The following NIBAN3 variants were observed in gnomAD, a reference collection of about 807,000 sequenced individuals.
NIBAN3 encodes the protein niban apoptosis regulator 3.
In NIBAN3, 66 loss-of-function variants were observed where a neutral mutation model predicts 76.4. The ratio of observed to expected loss-of-function variants is 0.86; its 90% CI spans 0.71 to 1.06. The LOEUF is 1.06. NIBAN3 is among the 50% of genes least tolerant of loss of function. The pLI, the probability that NIBAN3 is intolerant of heterozygous loss-of-function variation, is 0.00. For synonymous variants in NIBAN3, 360 were observed against 355.2 expected (o/e 1.01, Z -0.15); for missense variants, 808 against 810.7 (o/e 1.00, Z 0.04).
At chr19:17,537,863 T>A (rs2075853154) in intron 5 of NIBAN3, among the ~76,000 whole-genome samples, 1 of 148,622 alleles carries the variant, frequency 6.7e-6, no homozygotes, top group Admixed American at 6.7e-5. Context: ...GGAGAATCAC[T>A]TGAACCCGGG....
intron 10 of NIBAN3, 108 bp from the exon 11 acceptor site, chr19:17,543,209 T>C: frequency 1.5e-6 from 1 of 688,596 alleles, no homozygotes; most frequent in East Asian, 2.6e-5. Context: ...TGGGCAGAGG[T>C]GGCTGGTTGG....
At position 17,540,526 on chromosome 19, in the gene NIBAN3, G is replaced by C; in HGVS notation, c.1114G>C (p.Asp372His). Residue 372 changes from aspartate to histidine, a missense_variant, in exon 9 of 15, where the codon GAC becomes CAC. Transcript: ENST00000599164. The part of the protein sequence containing the change: ...AVRTLLAQGM[D>H]RLSHRLRQSP... ...GCGGACCCTCCTGGCTCAAGGCATG[G>C]ACCGACTGTCCCACCGCCTGCGCCA... 6.3e-7 allele frequency: 1 copy of C among 1,586,382 alleles called. No individual in the cohort carries two copies. The highest frequency in any genetic ancestry group is 8.6e-7 in the Non-Finnish European group (1 of 1,166,538).
At chr19:17,544,356 C>G (rs1361316548) in intron 12 of NIBAN3, among the ~76,000 whole-genome samples, 1 of 152,220 alleles carries the variant, frequency 6.6e-6, no homozygotes, top group Non-Finnish European at 1.5e-5. Flanking sequence ...TTCTGGGCTT[C>G]CACAATGCCC....
At chr19:17,546,508 C>T (rs1424786007) in intron 12 of NIBAN3, 178 bp from the exon 13 acceptor site, 2 of 1,155,532 alleles carry the variant, frequency 1.7e-6, no homozygotes, top group Non-Finnish European at 2.1e-6. Context: ...AGCCACCGCA[C>T]CCGGCCTGTT....
intron 2 of NIBAN3, among the ~76,000 whole-genome samples, chr19:17,531,176 A>T (rs896494254): frequency 4.0e-5 from 6 of 151,860 alleles, no homozygotes; most frequent in Admixed American, 2.0e-4. Flanking sequence ...ACAAAAAAAA[A>T]TTTAGCCAGA....
chr19:17,550,646 A>T (rs2076139311), intron 14 of NIBAN3, among the ~76,000 whole-genome samples: 1 of 152,162 alleles, frequency 6.6e-6, no homozygotes. Context: ...AGCCCGGGCC[A>T]CAGAGAGAGA....
At chr19:17,550,843 C>CTTTTTTTTTTTT (rs10690901) in intron 14 of NIBAN3, among the ~76,000 whole-genome samples, 1 of 91,550 alleles carries the variant, frequency 1.1e-5, no homozygotes, top group Non-Finnish European at 2.0e-5. Flanking sequence ...CTTGTACATA[C>CTTTTTTTTTTTT]TTTTTTTTTT....
At position 17,533,641 on chromosome 19, in the gene NIBAN3, C is replaced by T; in HGVS notation, c.367C>T (p.Leu123Phe). The T allele has an allele frequency of 6.2e-7, 1 of 1,614,140 alleles. No individual in the cohort carries two copies. Among genetic ancestry groups the T allele is most frequent in the Non-Finnish European group, 8.5e-7 (1 of 1,180,026 alleles). Residue 123 changes from leucine (L) to phenylalanine (F), a missense_variant, in exon 4 of 15, where the codon CTC becomes TTC. Physicochemically the swap from Leu to Phe is conservative, Grantham distance 22. Transcript: ENST00000599164. ...CTCAACAGCCCTGACAGGATACACGCTCCTGACTTCCCAGCGAGAATATCT... is the reference window on the plus strand; with the variant it reads ...CTCAACAGCCCTGACAGGATACACGTTCCTGACTTCCCAGCGAGAATATCT... ...LGSTALTGYTLLTSQREYLRL... is the reference protein window; with the variant it reads ...LGSTALTGYTFLTSQREYLRL...
intron 14 of NIBAN3, among the ~76,000 whole-genome samples, chr19:17,550,005 A>G (rs1325665202): frequency 1.3e-5 from 2 of 151,980 alleles, no homozygotes; most frequent in African/African-American, 4.8e-5. Context: ...TTTTTAATAG[A>G]GATGGGGTTT....
Position 17,553,117 on chromosome 19 carries a change from T to G in NIBAN3, c.*1219T>G. 6.5e-6 allele frequency: 5 copies of G among 767,450 alleles called. No individual in the cohort carries two copies. Among genetic ancestry groups the G allele is most frequent in the African/African-American group, 1.8e-5 (1 of 55,190 alleles). 47.5% of individuals were successfully genotyped at this position (767,450 alleles called of 1,614,324 possible). A position where few individuals can be genotyped will look rare whatever the true frequency, so the allele number is the denominator to read the frequency against. On this transcript the variant is annotated 3_prime_UTR_variant, in exon 15 of 15. Coordinates refer to ENST00000599164, the MANE Select transcript of NIBAN3 (RefSeq NM_001321827.2). The stretch of plus-strand genomic sequence containing the variant: ...ATATGTTGATTAGCCATTTACATGT[T>G]TGTAGTTTTTTTTTTTTTAATTTCA...
Position 17,532,296 on chromosome 19 carries a change from CT to C in NIBAN3, c.221del (p.Leu74ArgfsTer24), listed in dbSNP as rs1197283066. On this transcript the variant is annotated frameshift_variant, in exon 3 of 15. Transcript: ENST00000599164. LOFTEE classifies it high-confidence loss of function. ...LPRVREHRGP[L>X]TQLRGHPPRW... ...CCGAGTCCGTGAGCACCGAGGACCC[CT>C]GACCCAGCTTCGGGGCCACCCACCC... 2.5e-6 allele frequency: 4 copies of C among 1,613,994 alleles called. No homozygotes were observed. The African/African-American group carries it at 4.0e-5, about 16-fold the overall frequency.
rs2075708033 is a variant in NIBAN3 at position 17,530,859 on chromosome 19, A to G, written c.160A>G (p.Thr54Ala). Reference protein sequence around the residue: ...ISRELGPQEPTGSQLLRSKKL... With the variant: ...ISRELGPQEPAGSQLLRSKKL... ...TCGAGAGCTGGGCCCTCAGGAGCCG[A>G]CCGGAAGCCAGTTGCTACGCAGCAA... Residue 54 changes from threonine (T) to alanine (A), a missense_variant, in exon 2 of 15, where the codon ACC (threonine) becomes GCC (alanine). Thr to Ala is a moderately conservative substitution (Grantham distance 58, BLOSUM62 0). Coordinates refer to ENST00000599164, the MANE Select transcript of NIBAN3 (RefSeq NM_001321827.2). The G allele has an allele frequency of 6.2e-7, 1 of 1,613,322 alleles. No individual in the cohort carries two copies. Among genetic ancestry groups the G allele is most frequent in the Admixed American group, 1.7e-5 (1 of 59,968 alleles).
intron 14 of NIBAN3, among the ~76,000 whole-genome samples, chr19:17,550,512 T>G (rs1342994941): frequency 6.6e-6 from 1 of 151,924 alleles, no homozygotes; most frequent in Non-Finnish European, 1.5e-5. Context: ...ACAAAAATTT[T>G]AAAAATTAGT....
chr19:17,555,158 A>G (rs1568469876), downstream of NIBAN3, among the ~76,000 whole-genome samples: 1 of 152,294 alleles, frequency 6.6e-6, no homozygotes, highest in East Asian at 1.9e-4. Context: ...GCTCACATAT[A>G]GCAAGCCCAA....
chr19:17,533,791 C>A, intron 4 of NIBAN3, 90 bp downstream of exon 4: 1 of 950,760 alleles, frequency 1.1e-6, no homozygotes, highest in Non-Finnish European at 1.7e-6. Flanking sequence ...TGGGGGCGTC[C>A]CGTGTACAGC....
chr19:17,532,279 G>A lies in NIBAN3; in HGVS notation c.203G>A (p.Arg68His), dbSNP rs140354498. Residue 68 changes from arginine (R) to histidine (H), a missense_variant, in exon 3 of 15, where the codon CGT (arginine) becomes CAT (histidine). Transcript: ENST00000599164. ...TTTCTGCAGAAGCTGCCCCGAGTCC[G>A]TGAGCACCGAGGACCCCTGACCCAG... ...LLRSKKLPRV[R>H]EHRGPLTQLR... is the part of the protein sequence containing the mutation. 4,002 of 1,612,222 alleles carry A rather than the reference G, an allele frequency of 2.5e-3. 5 individuals carry two copies. Among genetic ancestry groups the A allele is most frequent in the Non-Finnish European group, 3.2e-3 (3,736 of 1,178,812 alleles).
At chr19:17,554,924 C>T (rs2076200353), downstream of NIBAN3, among the ~76,000 whole-genome samples, 1 of 140,326 alleles carries the variant, frequency 7.1e-6, no homozygotes, top group African/African-American at 2.8e-5. Context: ...AGCCAGACTC[C>T]GTCTCAAAAA....
Position 17,542,832 on chromosome 19 carries a change from T to C in NIBAN3, c.1330-485T>C, listed in dbSNP as rs1394132475. Among the ~76,000 whole-genome samples the C allele has an allele frequency of 2.6e-5, 4 of 151,806 alleles. No individual in the cohort carries two copies. The highest frequency in any genetic ancestry group is 5.9e-5 in the Non-Finnish European group (4 of 67,948). ...GCCTGCCATAGGGAGCACAGGCTGT[T>C]GGGGACAGGAAAAGAGGAGGCAGGG... On this transcript the variant is annotated intron_variant, in intron 10 of 14. Coordinates refer to ENST00000599164, the MANE Select transcript of NIBAN3 (RefSeq NM_001321827.2). The surrounding 1 kb of genome is among the most constrained non-coding windows in gnomAD (Gnocchi z 4.8).
intron 4 of NIBAN3, among the ~76,000 whole-genome samples, chr19:17,534,153 T>C (rs2075782097): frequency 6.6e-6 from 1 of 151,410 alleles, no homozygotes; most frequent in Non-Finnish European, 1.5e-5. Flanking sequence ...TGAGCCGAGA[T>C]TGCCCCACTG....
Sources: allele counts gnomAD v4.1 joint callset (sites outside exome capture counted in the v4.1 genomes callset), GRCh38; gene constraint gnomAD v4.1.1; non-coding constraint Gnocchi (gnomAD v3.1); transcripts MANE v1.5; gene names NCBI Gene and HGNC (gene_info 2026-07-23, HGNC 2026-07-21).